The following PCDH9 variants were observed in gnomAD, a reference collection of about 807,000 sequenced individuals.
The protein encoded by PCDH9 is protocadherin 9.
A neutral mutation model predicts 70.6 loss-of-function variants in PCDH9; 24 were observed. The ratio of observed to expected loss-of-function variants is 0.34; its 90% CI spans 0.25 to 0.48. The LOEUF (loss-of-function observed/expected upper bound fraction) is 0.48, where lower values mean the gene tolerates loss of function less well. Ranked by LOEUF, PCDH9 falls within the 20% of genes least tolerant of loss-of-function variation. PCDH9 has a pLI of 0.99. For synonymous variants in PCDH9, 562 were observed against 558.5 expected (o/e 1.01, Z -0.09); for missense variants, 1,281 against 1,503.6 (o/e 0.85, Z 2.45).
intron 3 of PCDH9, among the ~76,000 whole-genome samples, chr13:66,773,210 G>A (rs1410891077): frequency 6.6e-6 from 1 of 152,112 alleles, no homozygotes; most frequent in Non-Finnish European, 1.5e-5. Context: ...TCCTTCAACG[G>A]AAGAAATGTT....
chr13:66,676,050 C>T (rs1245326746), intron 3 of PCDH9, among the ~76,000 whole-genome samples: 3 of 152,142 alleles, frequency 2.0e-5, no homozygotes, highest in East Asian at 1.9e-4. Context: ...TTGACATCCA[C>T]AAATAAGTGC....
At chr13:66,883,440 C>G (rs902808238) in intron 3 of PCDH9, among the ~76,000 whole-genome samples, 1 of 152,042 alleles carries the variant, frequency 6.6e-6, no homozygotes, top group Non-Finnish European at 1.5e-5. Context: ...TGTAGAATAC[C>G]TCTGTCTCCC....
intron 3 of PCDH9, among the ~76,000 whole-genome samples, chr13:66,826,578 T>G (rs1000949304): frequency 2.0e-5 from 3 of 152,182 alleles, no homozygotes; most frequent in Admixed American, 6.5e-5. Flanking sequence ...TCCTTGCCAG[T>G]ACTGTGAATC....
chr13:67,181,195 A>C (rs534343677), intron 2 of PCDH9, among the ~76,000 whole-genome samples: 1 of 152,298 alleles, frequency 6.6e-6, no homozygotes, highest in African/African-American at 2.4e-5. Context: ...AGCTTAAGTC[A>C]AAAGAGGAGT....
intron 3 of PCDH9, among the ~76,000 whole-genome samples, chr13:66,764,088 C>T (rs1248876249): frequency 2.0e-5 from 3 of 151,864 alleles, no homozygotes; most frequent in Admixed American, 6.6e-5. Flanking sequence ...TGTGAGCCAC[C>T]GCGCCAGGCC....
intron 4 of PCDH9, among the ~76,000 whole-genome samples, chr13:66,473,452 T>C (rs1958658973): frequency 6.6e-6 from 1 of 152,090 alleles, no homozygotes; most frequent in South Asian, 2.1e-4. Flanking sequence ...CTTAGTAACA[T>C]ATGCTAGAAT....
chr13:66,429,684 G>C (rs1957736496), intron 4 of PCDH9, among the ~76,000 whole-genome samples: 1 of 151,658 alleles, frequency 6.6e-6, no homozygotes, highest in African/African-American at 2.4e-5. Context: ...GAAAGACACA[G>C]AACAATGCCC....
At chr13:66,941,546 C>CA (rs951705636) in intron 2 of PCDH9, among the ~76,000 whole-genome samples, 75 of 151,644 alleles carry the variant, frequency 4.9e-4, no homozygotes, top group African/African-American at 1.7e-3. Context: ...TAGCTAAAAA[C>CA]AAAAAGATAG....
At chr13:66,786,828 T>C (rs192166156) in intron 3 of PCDH9, among the ~76,000 whole-genome samples, 76 of 152,192 alleles carry the variant, frequency 5.0e-4, no homozygotes, top group Admixed American at 2.0e-3. Context: ...TAACCTTGAT[T>C]AAACTTCAAG....
chr13:66,583,162 G>T (rs2076917019), intron 4 of PCDH9, among the ~76,000 whole-genome samples: 1 of 148,970 alleles, frequency 6.7e-6, no homozygotes. Flanking sequence ...TGCATAATGT[G>T]ATTAAAGAAA....
At chr13:67,078,811 A>G (rs1287975580) in intron 2 of PCDH9, among the ~76,000 whole-genome samples, 2 of 152,178 alleles carry the variant, frequency 1.3e-5, no homozygotes, top group Non-Finnish European at 2.9e-5. Context: ...AATGTATTAA[A>G]TTCTTTAAAT....
At chr13:66,846,136 C>CA (rs56199120) in intron 3 of PCDH9, among the ~76,000 whole-genome samples, 7,288 of 134,434 alleles carry the variant, frequency 0.054, 545 homozygotes, top group African/African-American at 0.16. Flanking sequence ...AAAAAAAGAC[C>CA]AAAAAAAAAA....
At chr13:66,456,402 C>G (rs1206132178) in intron 4 of PCDH9, among the ~76,000 whole-genome samples, 2 of 152,044 alleles carry the variant, frequency 1.3e-5, no homozygotes, top group Admixed American at 1.3e-4. Context: ...GCTAGGACTA[C>G]AGAGGTATAC....
intron 3 of PCDH9, among the ~76,000 whole-genome samples, chr13:66,786,202 T>C (rs894068699): frequency 1.3e-5 from 2 of 152,142 alleles, no homozygotes; most frequent in Non-Finnish European, 2.9e-5. Context: ...TGGTATTATT[T>C]GAGCTGTTTA....
chr13:66,802,348 G>A (rs1189477979), intron 3 of PCDH9, among the ~76,000 whole-genome samples: 1 of 151,858 alleles, frequency 6.6e-6, no homozygotes, highest in Non-Finnish European at 1.5e-5. Context: ...GATTCATACA[G>A]GATAGTTAAA....
At chr13:66,662,255 C>A (rs1593855493) in intron 3 of PCDH9, among the ~76,000 whole-genome samples, 2 of 152,022 alleles carry the variant, frequency 1.3e-5, no homozygotes, top group South Asian at 2.1e-4. Flanking sequence ...GGCGGATCAC[C>A]TAAGGTTGGG....
intron 3 of PCDH9, among the ~76,000 whole-genome samples, chr13:66,642,826 A>G (rs2077725931): frequency 1.3e-5 from 2 of 152,016 alleles, no homozygotes; most frequent in Non-Finnish European, 2.9e-5. Context: ...AGAAATCACA[A>G]TATTAAGGGT....
intron 4 of PCDH9, among the ~76,000 whole-genome samples, chr13:66,601,135 C>A (rs1316313750): frequency 4.1e-5 from 6 of 145,284 alleles, no homozygotes; most frequent in Non-Finnish European, 9.3e-5. Context: ...GCATATAATT[C>A]ACAGAGGATC....
intron 4 of PCDH9, among the ~76,000 whole-genome samples, chr13:66,445,468 AAT>A (rs1201140436): frequency 1.4e-5 from 2 of 141,766 alleles, no homozygotes; most frequent in African/African-American, 5.5e-5. Context: ...ACATATATAT[AAT>A]ATATATACAC....
Sources: allele counts gnomAD v4.1 joint callset (sites outside exome capture counted in the v4.1 genomes callset), GRCh38; gene constraint gnomAD v4.1.1; transcripts MANE v1.5; gene names NCBI Gene and HGNC (gene_info 2026-07-23, HGNC 2026-07-21).